NCAM2: variants seen among roughly 807,000 people sequenced by gnomAD.
The protein encoded by NCAM2 is neural cell adhesion molecule 2.
In NCAM2, 30 loss-of-function variants were observed where a neutral mutation model predicts 98.1. That is an observed-to-expected ratio of 0.31 (90% CI 0.23 to 0.41). NCAM2 has a LOEUF of 0.41. NCAM2 is among the 10% of genes least tolerant of loss of function. The pLI is 1.00. For missense variants in NCAM2, 867 were observed against 1,005.8 expected (o/e 0.86, Z 1.87); for synonymous variants, 368 against 342.4 (o/e 1.07, Z -0.83).
chr21:21,535,098 G>T (rs111770527), intron 17 of NCAM2, among the ~76,000 whole-genome samples: 44 of 152,174 alleles, frequency 2.9e-4, no homozygotes, highest in African/African-American at 1.0e-3. Flanking sequence ...TTGTGCAGAG[G>T]AGAAAATAAT....
At chr21:21,201,687 T>C (rs140260532) in intron 1 of NCAM2, among the ~76,000 whole-genome samples, 7 of 152,304 alleles carry the variant, frequency 4.6e-5, no homozygotes, top group African/African-American at 1.7e-4. Flanking sequence ...TTCCACAGCA[T>C]GTTTAATGAA....
At chr21:21,475,920 A>G (rs1485394707) in intron 14 of NCAM2, among the ~76,000 whole-genome samples, 3 of 152,174 alleles carry the variant, frequency 2.0e-5, no homozygotes, top group Admixed American at 2.0e-4. Context: ...TATTAACTAG[A>G]AAAAGAGAAT....
intron 5 of NCAM2, among the ~76,000 whole-genome samples, chr21:21,295,707 A>G (rs1305784161): frequency 6.6e-6 from 1 of 151,832 alleles, no homozygotes; most frequent in East Asian, 1.9e-4. Context: ...ATTACAGTTG[A>G]TCTGCAAGTG....
At chr21:21,051,976 C>T (rs2065118082) in intron 1 of NCAM2, among the ~76,000 whole-genome samples, 1 of 152,000 alleles carries the variant, frequency 6.6e-6, no homozygotes, top group South Asian at 2.1e-4. Context: ...TTTTATTCAA[C>T]TTTCATTTTA....
chr21:21,472,828 A>T (rs984935576), intron 14 of NCAM2, among the ~76,000 whole-genome samples: 1 of 151,844 alleles, frequency 6.6e-6, no homozygotes, highest in African/African-American at 2.4e-5. Flanking sequence ...CCTAATTTTA[A>T]AAAAGTTTAC....
chr21:21,356,322 G>A (rs1231815615), intron 8 of NCAM2, among the ~76,000 whole-genome samples: 2 of 151,688 alleles, frequency 1.3e-5, no homozygotes. Flanking sequence ...ATTTAATATT[G>A]TCATTTATGG....
Position 21,338,472 on chromosome 21 carries a change from C to A in NCAM2, c.982C>A (p.Pro328Thr). The A allele has an allele frequency of 1.2e-6, 2 of 1,612,580 alleles. No individual in the cohort carries two copies. The highest frequency in any genetic ancestry group is 8.5e-7 in the Non-Finnish European group (1 of 1,179,234). ...ACTCGTATGTGATGCGGAAGGGGAG[C>A]CTATTCCAGAAATCACTTGGAAAAG... Reference protein sequence around the residue: ...VTLVCDAEGEPIPEITWKRAV... With the variant: ...VTLVCDAEGETIPEITWKRAV... Residue 328 changes from proline (P) to threonine (T), a missense_variant, in exon 8 of 18, where the codon CCT becomes ACT. By Grantham distance (38) the Pro-to-Thr change is conservative. Around this residue, in one of 5 missense-constraint regions of NCAM2, gnomAD observed 447 missense variants for 495.7 expected, o/e 0.90. Transcript: ENST00000400546.
intron 5 of NCAM2, among the ~76,000 whole-genome samples, chr21:21,308,360 C>A (rs967823973): frequency 1.3e-5 from 2 of 151,832 alleles, no homozygotes; most frequent in African/African-American, 4.8e-5. Context: ...CCTTTTTTTA[C>A]TTTTATATAT....
chr21:21,126,284 G>A, intron 1 of NCAM2, among the ~76,000 whole-genome samples: 1 of 139,102 alleles, frequency 7.2e-6, no homozygotes, highest in East Asian at 2.1e-4. Flanking sequence ...ATTTGAATTA[G>A]CGTAACCTAG....
chr21:21,456,509 A>G (rs1982168068), intron 12 of NCAM2, among the ~76,000 whole-genome samples: 1 of 152,328 alleles, frequency 6.6e-6, no homozygotes, highest in East Asian at 1.9e-4. Context: ...AGAAACACGT[A>G]ATTAAGTAAA....
chr21:21,194,286 T>G (rs933559878), intron 1 of NCAM2, among the ~76,000 whole-genome samples: 1 of 152,168 alleles, frequency 6.6e-6, no homozygotes, highest in Non-Finnish European at 1.5e-5. Context: ...TTTCTCTGAT[T>G]CTTTATCAGA....
chr21:21,158,893 G>A (rs550101562), intron 1 of NCAM2, among the ~76,000 whole-genome samples: 2 of 152,168 alleles, frequency 1.3e-5, no homozygotes, highest in African/African-American at 4.8e-5. Flanking sequence ...TTATAAAAGA[G>A]AAAACGTAAC....
chr21:21,318,792 C>A (rs1568928235), intron 5 of NCAM2, among the ~76,000 whole-genome samples: 1 of 152,074 alleles, frequency 6.6e-6, no homozygotes, highest in South Asian at 2.1e-4. Flanking sequence ...TATACTTGCC[C>A]AATAGTGTAT....
chr21:21,054,475 A>T (rs1568972850), intron 1 of NCAM2, among the ~76,000 whole-genome samples: 1 of 152,012 alleles, frequency 6.6e-6, no homozygotes, highest in Non-Finnish European at 1.5e-5. Context: ...ATACTAGCTC[A>T]TGATAATTAG....
At position 21,479,583 on chromosome 21, in the gene NCAM2, C is replaced by CAAAA. The variant is rs1156588500; in HGVS notation, c.2077+2134_2077+2137dup. 2.6e-3 allele frequency among the ~76,000 whole-genome samples: 79 copies of CAAAA among 30,956 alleles called. 5 individuals carry two copies. Among genetic ancestry groups the CAAAA allele is most frequent in the Non-Finnish European group, 4.0e-3 (59 of 14,876 alleles). The allele number at this position is 30,956 out of a possible 152,430, so 20.3% of individuals were successfully genotyped here. A position where few individuals can be genotyped will look rare whatever the true frequency, so the allele number is the denominator to read the frequency against. ...TGGGAGACAGAGCGAGACTGCGTCTCAAAAAAAAAAAAAAAAAAAAAAAAA... is the reference window on the plus strand; with the variant it reads ...TGGGAGACAGAGCGAGACTGCGTCTCAAAAAAAAAAAAAAAAAAAAAAAAAAAAA... On this transcript the variant is annotated intron_variant, in intron 15 of 17. Coordinates refer to ENST00000400546, the MANE Select transcript of NCAM2 (RefSeq NM_004540.5).
chr21:21,026,695 TTC>T (rs994313951), intron 1 of NCAM2, among the ~76,000 whole-genome samples: 4 of 152,070 alleles, frequency 2.6e-5, no homozygotes, highest in African/African-American at 4.8e-5. Flanking sequence ...TCCTAAGAAA[TTC>T]TGTTTGATAA....
At chr21:21,347,820 AT>A (rs1409589187) in intron 8 of NCAM2, among the ~76,000 whole-genome samples, 1 of 152,012 alleles carries the variant, frequency 6.6e-6, no homozygotes, top group Non-Finnish European at 1.5e-5. Flanking sequence ...AACATATAAA[AT>A]CAATGTGATA....
intron 1 of NCAM2, among the ~76,000 whole-genome samples, chr21:21,038,528 T>TA (rs1437410118): frequency 2.6e-4 from 39 of 152,220 alleles, no homozygotes; most frequent in African/African-American, 9.4e-4. Context: ...AGTGAGTTCT[T>TA]ATGAGATCTG....
At chr21:21,434,466 G>T (rs28495796) in intron 12 of NCAM2, among the ~76,000 whole-genome samples, 6,582 of 152,162 alleles carry the variant, frequency 0.043, 257 homozygotes, top group East Asian at 0.13. Flanking sequence ...TTCCATTGTT[G>T]ATTCATCTTC....
Sources: allele counts gnomAD v4.1 joint callset (sites outside exome capture counted in the v4.1 genomes callset), GRCh38; gene constraint gnomAD v4.1.1; regional missense constraint gnomAD v4.1.1; transcripts MANE v1.5; gene names NCBI Gene and HGNC (gene_info 2026-07-23, HGNC 2026-07-21).